TTC23: variants seen among roughly 807,000 people sequenced by gnomAD.
TTC23 encodes tetratricopeptide repeat protein 23.
A neutral mutation model predicts 55.1 loss-of-function variants in TTC23; 58 were observed. That is an observed-to-expected ratio of 1.05 (90% CI 0.85 to 1.31). The LOEUF is 1.31. TTC23 is among the 50% of genes most tolerant of loss of function. The pLI, the probability that TTC23 is intolerant of heterozygous loss-of-function variation, is 0.00. For synonymous variants in TTC23, 203 were observed against 199.9 expected, an observed-to-expected ratio of 1.02 and a Z score of -0.13; for missense variants, 516 against 534.4, an observed-to-expected ratio of 0.97 and a Z score of 0.34.
At chr15:99,207,225 ACT>A (rs1203003958) in intron 8 of TTC23, among the ~76,000 whole-genome samples, 1 of 152,120 alleles carries the variant, frequency 6.6e-6, no homozygotes, top group Non-Finnish European at 1.5e-5. Flanking sequence ...AAAAATAAAA[ACT>A]CTTGTGCATC....
At chr15:99,224,454 G>T (rs928595974) in intron 5 of TTC23, among the ~76,000 whole-genome samples, 1 of 152,120 alleles carries the variant, frequency 6.6e-6, no homozygotes, top group Non-Finnish European at 1.5e-5. Flanking sequence ...AACTTCTCAT[G>T]TCATCTTCTA....
chr15:99,177,962 T>C (rs1164319152), intron 9 of TTC23, among the ~76,000 whole-genome samples: 1 of 152,076 alleles, frequency 6.6e-6, no homozygotes, highest in Non-Finnish European at 1.5e-5. Context: ...GGAGGATCAC[T>C]TGAGCTCAGG....
intron 1 of TTC23, among the ~76,000 whole-genome samples, chr15:99,246,919 C>G (rs989208309): frequency 6.6e-6 from 1 of 152,016 alleles, no homozygotes; most frequent in Non-Finnish European, 1.5e-5. Context: ...GAGACCCAGT[C>G]TCAAACAAAC....
At chr15:99,142,771 C>T (rs1175035747) in intron 12 of TTC23, among the ~76,000 whole-genome samples, 1 of 152,176 alleles carries the variant, frequency 6.6e-6, no homozygotes, top group Non-Finnish European at 1.5e-5. Flanking sequence ...TGTCTACTAA[C>T]CATCCCCACC....
At chr15:99,242,293 A>C (rs1424318387) in intron 2 of TTC23, among the ~76,000 whole-genome samples, 1 of 152,128 alleles carries the variant, frequency 6.6e-6, no homozygotes, top group East Asian at 1.9e-4. Context: ...GTGATAAAAA[A>C]ATAACAGAAA....
chr15:99,168,115 G>C (rs2602039), intron 10 of TTC23, among the ~76,000 whole-genome samples: 24,176 of 152,138 alleles, frequency 0.16, 2,220 homozygotes, highest in African/African-American at 0.23. Flanking sequence ...CCCTCTTCAT[G>C]AGGAACACTT....
intron 3 of TTC23, among the ~76,000 whole-genome samples, chr15:99,237,659 C>T (rs917187418): frequency 7.9e-5 from 12 of 151,948 alleles, no homozygotes; most frequent in African/African-American, 2.2e-4. Context: ...ATGACGGGGA[C>T]GGGACACAAG....
chr15:99,139,363 C>T lies in TTC23; in HGVS notation c.1180G>A (p.Asp394Asn), dbSNP rs1050887311. The T allele has an allele frequency of 4.3e-6, 7 of 1,613,954 alleles. No homozygotes were observed. The highest frequency in any genetic ancestry group is 2.2e-5 in the East Asian group (1 of 44,894). ...TGCTGGGTGGCCAGAGTCCTTTTGT[C>T]CTGCGGTCCATATAAGAGGGTCTGG... ...QIQTLLYGPQDKRTLATQQAM... is the reference protein window; with the variant it reads ...QIQTLLYGPQNKRTLATQQAM... The change falls in exon 13 of 14, where the codon GAC becomes AAC. Residue 394 changes from aspartate (D) to asparagine (N), a missense_variant. Transcript: ENST00000394132.
At chr15:99,229,571 C>T (rs1567545319) in intron 4 of TTC23, among the ~76,000 whole-genome samples, 2 of 152,132 alleles carry the variant, frequency 1.3e-5, no homozygotes, top group Admixed American at 1.3e-4. Flanking sequence ...CTAGAACTGA[C>T]AGGACAAATT....
chr15:99,233,977 G>A (rs529996670), intron 4 of TTC23, among the ~76,000 whole-genome samples: 6 of 151,908 alleles, frequency 3.9e-5, no homozygotes, highest in African/African-American at 9.7e-5. Context: ...ATATTCACAC[G>A]TAAAAATAAA....
chr15:99,233,949 T>A (rs998819167), intron 4 of TTC23, among the ~76,000 whole-genome samples: 3 of 152,082 alleles, frequency 2.0e-5, no homozygotes, highest in Admixed American at 2.0e-4. Flanking sequence ...GCTCAACAAA[T>A]GATACTGGAA....
chr15:99,175,247 A>C lies in TTC23; in HGVS notation c.760-92T>G, dbSNP rs2151932112. 5.9e-6 allele frequency: 6 copies of C among 1,016,422 alleles called. No homozygotes were observed. The South Asian group carries it at 8.8e-5, about 15-fold the overall frequency. The allele number at this position is 1,016,422 out of a possible 1,614,324, so 63.0% of individuals were successfully genotyped here. A position where few individuals can be genotyped will look rare whatever the true frequency, so the allele number is the denominator to read the frequency against. On this transcript the variant is annotated intron_variant, in intron 9 of 13. Transcript: ENST00000394132. Reference sequence around the variant, plus strand: ...CCTTGCAGAGATAAGCAGAAAGCCAAGGAACTTTCCAGCAAGCTAGAAGAA... The same window carrying C: ...CCTTGCAGAGATAAGCAGAAAGCCACGGAACTTTCCAGCAAGCTAGAAGAA...
intron 12 of TTC23, among the ~76,000 whole-genome samples, chr15:99,147,505 G>A (rs185978848): frequency 5.3e-5 from 8 of 152,284 alleles, no homozygotes; most frequent in East Asian, 3.9e-4. Context: ...GATTACAGGC[G>A]TGAGCCACCG....
At chr15:99,234,744 A>T (rs1596993399) in intron 4 of TTC23, among the ~76,000 whole-genome samples, 3 of 152,304 alleles carry the variant, frequency 2.0e-5, no homozygotes, top group Admixed American at 2.0e-4. Context: ...CACATGCTTT[A>T]TATTCAACAT....
chr15:99,219,804 C>T (rs1470298916), intron 6 of TTC23, among the ~76,000 whole-genome samples: 1 of 152,162 alleles, frequency 6.6e-6, no homozygotes, highest in African/African-American at 2.4e-5. Context: ...CACTCACATA[C>T]ACACAGCCCC....
chr15:99,205,551 G>GT (rs200100672), intron 8 of TTC23, among the ~76,000 whole-genome samples: 511 of 145,800 alleles, frequency 3.5e-3, no homozygotes, highest in African/African-American at 9.5e-3. Flanking sequence ...TTATTGCTAG[G>GT]TTTTTTTTTG....
chr15:99,147,020 T>C (rs1391941696), intron 12 of TTC23, among the ~76,000 whole-genome samples: 2 of 151,326 alleles, frequency 1.3e-5, no homozygotes, highest in Non-Finnish European at 2.9e-5. Flanking sequence ...GTTCAAGCAA[T>C]TCTCCTGCCT....
chr15:99,229,981 T>TAA (rs749614263), intron 4 of TTC23, among the ~76,000 whole-genome samples: 6 of 152,174 alleles, frequency 3.9e-5, no homozygotes, highest in Non-Finnish European at 8.8e-5. Context: ...ATAGGAATAC[T>TAA]AAAATAACCA....
intron 10 of TTC23, among the ~76,000 whole-genome samples, chr15:99,173,477 T>C (rs1441158642): frequency 6.6e-6 from 1 of 152,152 alleles, no homozygotes; most frequent in African/African-American, 2.4e-5. Context: ...TCCCACCTAC[T>C]TCGCAGGCTG....
Sources: allele counts gnomAD v4.1 joint callset (sites outside exome capture counted in the v4.1 genomes callset), GRCh38; gene constraint gnomAD v4.1.1; transcripts MANE v1.5; gene names NCBI Gene and HGNC (gene_info 2026-07-23, HGNC 2026-07-21).